The following AKAIN1 variants were observed in gnomAD, a reference collection of about 807,000 sequenced individuals.
AKAIN1 encodes the protein A-kinase anchor inhibitor 1.
In AKAIN1, 3 loss-of-function variants were observed where a neutral mutation model predicts 3.7. The ratio of observed to expected loss-of-function variants is 0.82; its 90% confidence interval spans 0.37 to 2.12. AKAIN1 has a LOEUF of 2.12. Among genes scored for constraint, AKAIN1 ranks in the 30% most tolerant of loss-of-function variants. The pLI, the probability that AKAIN1 is intolerant of heterozygous loss-of-function variation, is 0.06. For synonymous variants in AKAIN1, 31 were observed against 30.8 expected (o/e 1.01, Z -0.02); for missense variants, 82 against 82.7 (o/e 0.99, Z 0.03).
intron 1 of AKAIN1, among the ~76,000 whole-genome samples, chr18:5,161,943 G>A (rs932344548): frequency 5.9e-5 from 9 of 152,194 alleles, no homozygotes; most frequent in African/African-American, 1.4e-4. Flanking sequence ...ACATGCAAAC[G>A]AAGGGAACAG....
At chr18:5,179,971 C>G (rs11662559) in intron 1 of AKAIN1, among the ~76,000 whole-genome samples, 48,319 of 151,970 alleles carry the variant, frequency 0.32, 8,156 homozygotes, top group Middle Eastern at 0.41. Flanking sequence ...GAGCCCCATG[C>G]TTGGCCCAGT....
At chr18:5,175,758 T>C (rs1419603562) in intron 1 of AKAIN1, among the ~76,000 whole-genome samples, 4 of 152,204 alleles carry the variant, frequency 2.6e-5, no homozygotes, top group Admixed American at 2.6e-4. Context: ...TTGAAACTAG[T>C]ATTGCACAGT....
At chr18:5,184,018 A>G (rs1418676545) in intron 1 of AKAIN1, among the ~76,000 whole-genome samples, 2 of 152,094 alleles carry the variant, frequency 1.3e-5, no homozygotes, top group East Asian at 3.9e-4. Context: ...CAGTGAAATC[A>G]CTAACAAAAA....
At chr18:5,146,091 T>A (rs1221889044) in intron 1 of AKAIN1, among the ~76,000 whole-genome samples, 3 of 152,228 alleles carry the variant, frequency 2.0e-5, no homozygotes, top group African/African-American at 7.2e-5. Context: ...ATTTTAAAAA[T>A]TGTATTATTT....
In AKAIN1 at chr18:5,145,460, G is replaced by T; in HGVS notation, c.*102C>A. ...TGAATTCATTCTACAGCTAGGTGCC[G>T]GTGACACTTCGGTTTGCTTTACTGG... On this transcript the variant is annotated 3_prime_UTR_variant, in exon 2 of 2. Coordinates refer to ENST00000434239, the MANE Select transcript of AKAIN1 (RefSeq NM_001145194.2). The T allele has an allele frequency of 1.1e-6, 1 of 891,546 alleles. No homozygotes were observed. The highest frequency in any genetic ancestry group is 1.7e-5 in the South Asian group (1 of 57,510). The allele number at this position is 891,546 out of a possible 1,614,324, so 55.2% of individuals were successfully genotyped here.
rs192926334 is a variant in AKAIN1 at position 5,194,367 on chromosome 18, C to A, written c.16+2671G>T. Among the ~76,000 whole-genome samples the A allele has an allele frequency of 4.6e-3, 704 of 152,204 alleles. 5 individuals are homozygous for A. Among genetic ancestry groups the A allele is most frequent in the African/African-American group, 0.016 (666 of 41,538 alleles). On this transcript the variant is annotated intron_variant, in intron 1 of 1. Transcript: ENST00000434239. ...TGTCTGCCTCATGCAAACTGAAAAA[C>A]AACCCAAATACCCTGTCCAATTTAA...
chr18:5,158,360 C>T (rs1178898656), intron 1 of AKAIN1, among the ~76,000 whole-genome samples: 1 of 152,192 alleles, frequency 6.6e-6, no homozygotes, highest in Non-Finnish European at 1.5e-5. Context: ...GCCAGCTCAG[C>T]CCCTCTGCAT....
At chr18:5,158,936 G>A (rs1296588615) in intron 1 of AKAIN1, among the ~76,000 whole-genome samples, 2 of 152,180 alleles carry the variant, frequency 1.3e-5, no homozygotes, top group Non-Finnish European at 2.9e-5. Context: ...GTGGATAAAT[G>A]AGAATACGAG....
intron 1 of AKAIN1, among the ~76,000 whole-genome samples, chr18:5,192,385 T>TTTTCTTTCTTTCTTTCTTTCTTTCTTTC (rs34194118): frequency 6.8e-4 from 73 of 107,064 alleles, no homozygotes; most frequent in Middle Eastern, 0.01. Flanking sequence ...ACAGAGCTAA[T>TTTTCTTTCTTTCTTTCTTTCTTTCTTTC]TTTCTTTCTT....
intron 1 of AKAIN1, among the ~76,000 whole-genome samples, chr18:5,147,561 C>G (rs149435717): frequency 6.6e-6 from 1 of 152,124 alleles, no homozygotes; most frequent in Non-Finnish European, 1.5e-5. Flanking sequence ...GGAGGGATGA[C>G]GTTCACTGGG....
intron 1 of AKAIN1, among the ~76,000 whole-genome samples, chr18:5,193,328 C>T (rs535050907): frequency 6.6e-6 from 1 of 152,282 alleles, no homozygotes; most frequent in South Asian, 2.1e-4. Flanking sequence ...TGGCAATTCA[C>T]CTGACTTGAA....
chr18:5,165,523 G>A lies in AKAIN1; in HGVS notation c.17-19768C>T, dbSNP rs141248862. On this transcript the variant is annotated intron_variant, in intron 1 of 1. Coordinates refer to ENST00000434239, the MANE Select transcript of AKAIN1 (RefSeq NM_001145194.2). The stretch of plus-strand genomic sequence containing the variant: ...CTCAGTTTTCAGAGTACAGATGGGA[G>A]TTTTCAAAGCAAATGCTCAGGATTC... Among the ~76,000 whole-genome samples the A allele has an allele frequency of 9.5e-4, 144 of 152,118 alleles. 3 individuals carry two copies. The East Asian group carries it at 0.021, about 22-fold the overall frequency.
At chr18:5,167,837 C>T (rs888516275) in intron 1 of AKAIN1, among the ~76,000 whole-genome samples, 1 of 152,088 alleles carries the variant, frequency 6.6e-6, no homozygotes, top group African/African-American at 2.4e-5. Flanking sequence ...TCAGTGCTGC[C>T]TTTGCTGCTG....
chr18:5,167,415 C>T (rs562365573), intron 1 of AKAIN1, among the ~76,000 whole-genome samples: 6 of 152,148 alleles, frequency 3.9e-5, no homozygotes, highest in African/African-American at 1.2e-4. Context: ...CAACTGCCTG[C>T]GTCACATGGG....
In AKAIN1 at chr18:5,177,732, A is replaced by G. The variant is rs145015722; in HGVS notation, c.16+19306T>C. On this transcript the variant is annotated intron_variant, in intron 1 of 1. Coordinates refer to ENST00000434239, the MANE Select transcript of AKAIN1 (RefSeq NM_001145194.2). ...TGCTTCTAAGTTAAGTCGTATGACA[A>G]AAATAGAAGCCTTGAACCTAACTTG... is the stretch of plus-strand genomic sequence containing the variant. Among the ~76,000 whole-genome samples, 42 of 152,280 alleles carry G rather than the reference A, an allele frequency of 2.8e-4. 1 individual carries two copies. The East Asian group carries it at 7.3e-3, about 27-fold the overall frequency.
chr18:5,186,073 T>G (rs1207104121), intron 1 of AKAIN1, among the ~76,000 whole-genome samples: 1 of 152,088 alleles, frequency 6.6e-6, no homozygotes, highest in Admixed American at 6.6e-5. Context: ...GCTCCATAGA[T>G]GCACGGATGG....
chr18:5,154,175 G>C (rs1460570226), intron 1 of AKAIN1, among the ~76,000 whole-genome samples: 1 of 152,078 alleles, frequency 6.6e-6, no homozygotes. Context: ...GACACAAAAA[G>C]CAACAACCAT....
intron 1 of AKAIN1, among the ~76,000 whole-genome samples, chr18:5,185,600 C>A (rs1188420115): frequency 6.6e-6 from 1 of 152,064 alleles, no homozygotes; most frequent in African/African-American, 2.4e-5. Context: ...AAAAAATGCT[C>A]AACATCACTA....
At chr18:5,163,432 C>T (rs930282479) in intron 1 of AKAIN1, among the ~76,000 whole-genome samples, 6 of 152,086 alleles carry the variant, frequency 3.9e-5, no homozygotes, top group African/African-American at 1.4e-4. Flanking sequence ...ACAAAGCACC[C>T]AGGTTCGTGT....
Sources: allele counts gnomAD v4.1 joint callset (sites outside exome capture counted in the v4.1 genomes callset), GRCh38; gene constraint gnomAD v4.1.1; transcripts MANE v1.5; gene names NCBI Gene and HGNC (gene_info 2026-07-23, HGNC 2026-07-21).